STPG1: variants seen among roughly 807,000 people sequenced by gnomAD.
STPG1 encodes O(6)-methylguanine-induced apoptosis 2.
In STPG1, 33 loss-of-function variants were observed where a neutral mutation model predicts 40.1. That is an observed-to-expected ratio of 0.82 (90% CI 0.62 to 1.10). The LOEUF is 1.10. Among genes scored for constraint, STPG1 ranks in the 50% least tolerant of loss-of-function variants. The probability of loss-of-function intolerance (pLI) is 0.00; values close to 1 mark genes in which losing one functional copy is unlikely to be tolerated. For synonymous variants in STPG1, 150 were observed against 155.0 expected (o/e 0.97, Z 0.24); for missense variants, 396 against 415.1 (o/e 0.95, Z 0.40).
upstream of STPG1, chr1:24,414,337 C>A (rs116150919): frequency 9.9e-5 from 15 of 151,268 alleles, no homozygotes; most frequent in Admixed American, 7.3e-4. Context: ...TGAGCCACCA[C>A]GCCCGGCCCC....
intron 1 of STPG1, among the ~76,000 whole-genome samples, chr1:24,411,081 TG>T (rs1643605485): frequency 6.6e-6 from 1 of 152,228 alleles, no homozygotes; most frequent in Non-Finnish European, 1.5e-5. Flanking sequence ...GCAGTAGGCT[TG>T]TATTAATGTA....
At chr1:24,400,550 G>T (rs749440125) in intron 2 of STPG1, among the ~76,000 whole-genome samples, 1 of 152,186 alleles carries the variant, frequency 6.6e-6, no homozygotes, top group Admixed American at 6.5e-5. Flanking sequence ...GAAAAAGAGA[G>T]TGCAAAATCA....
At chr1:24,375,008 C>T (rs538904704) in intron 5 of STPG1, among the ~76,000 whole-genome samples, 1 of 152,322 alleles carries the variant, frequency 6.6e-6, no homozygotes, top group South Asian at 2.1e-4. Flanking sequence ...ACTGTTCAAA[C>T]AGCCCTTCTA....
At chr1:24,408,793 T>C (rs915725699) in intron 1 of STPG1, among the ~76,000 whole-genome samples, 5 of 152,228 alleles carry the variant, frequency 3.3e-5, no homozygotes, top group Non-Finnish European at 7.3e-5. Flanking sequence ...AAGGAACTTA[T>C]ACCATTTATA....
intron 3 of STPG1, among the ~76,000 whole-genome samples, chr1:24,389,878 G>C (rs556885885): frequency 6.6e-6 from 1 of 152,362 alleles, no homozygotes; most frequent in South Asian, 2.1e-4. Flanking sequence ...AAAACTGTGT[G>C]TGTGTGTTTG....
At chr1:24,384,819 T>C (rs1185252858) in intron 3 of STPG1, among the ~76,000 whole-genome samples, 1 of 152,146 alleles carries the variant, frequency 6.6e-6, no homozygotes, top group Non-Finnish European at 1.5e-5. Context: ...GATGAAGGGA[T>C]TACTGTCCCC....
At chr1:24,358,899 T>C (rs997372475) in intron 8 of STPG1, among the ~76,000 whole-genome samples, 15 of 152,212 alleles carry the variant, frequency 9.9e-5, no homozygotes, top group African/African-American at 3.4e-4. Context: ...CGAAAAGAAA[T>C]TGAGTAAAGC....
chr1:24,373,589 C>T (rs2148689318), intron 6 of STPG1, 113 bp downstream of exon 6: 1 of 732,808 alleles, frequency 1.4e-6, no homozygotes, highest in Non-Finnish European at 2.5e-6. Context: ...CTACTCCTCC[C>T]CACCCAAAGA....
rs375050484 is a variant in STPG1, at chr1:24,360,882, C to T, written c.897G>A (p.Ala299=). 4.3e-5 allele frequency: 69 copies of T among 1,613,430 alleles called. 2 individuals are homozygous for T. The South Asian group carries it at 6.6e-4, about 15-fold the overall frequency. The change falls in exon 8 of 9, where the codon GCG becomes GCA. Residue 299 remains alanine, a synonymous_variant. Transcript: ENST00000337248. The part of the protein sequence containing the change: ...SFVSNTSRWT[A]APPQPGLPGP... ...CAGGCAGGCCTGGCTGAGGCGGCGCCGCTGTCCACCGGCTGGTATTGGACA... is the reference window on the plus strand; with the variant it reads ...CAGGCAGGCCTGGCTGAGGCGGCGCTGCTGTCCACCGGCTGGTATTGGACA...
chr1:24,377,392 C>G (rs536719786), intron 5 of STPG1, among the ~76,000 whole-genome samples: 12 of 152,196 alleles, frequency 7.9e-5, no homozygotes, highest in South Asian at 4.1e-4. Context: ...GTCTGGTGCC[C>G]CCTTCTCCCT....
chr1:24,365,292 A>G (rs1641384171), intron 7 of STPG1, among the ~76,000 whole-genome samples: 1 of 152,236 alleles, frequency 6.6e-6, no homozygotes, highest in Admixed American at 6.5e-5. Context: ...GAAGCAGATC[A>G]AGGGTTAGAA....
intron 4 of STPG1, among the ~76,000 whole-genome samples, chr1:24,383,137 T>G (rs557072048): frequency 6.6e-6 from 1 of 152,116 alleles, no homozygotes; most frequent in Non-Finnish European, 1.5e-5. Context: ...GGTCTTGAAC[T>G]CCTGGGCTTA....
intron 5 of STPG1, 135 bp downstream of exon 5, chr1:24,379,518 C>T: frequency 1.1e-6 from 1 of 947,986 alleles, no homozygotes; most frequent in Non-Finnish European, 1.6e-6. Context: ...CCTTAGGCAC[C>T]CATTGGGTAG....
At chr1:24,366,401 A>C (rs1641469104) in intron 7 of STPG1, among the ~76,000 whole-genome samples, 1 of 152,172 alleles carries the variant, frequency 6.6e-6, no homozygotes. Context: ...GAGAAAACAG[A>C]ACTGGAATTT....
chr1:24,403,731 A>T (rs1294560311), intron 1 of STPG1, among the ~76,000 whole-genome samples: 2 of 152,058 alleles, frequency 1.3e-5, no homozygotes, highest in Non-Finnish European at 2.9e-5. Context: ...ATGGTCTTAA[A>T]ATTTTTTAAA....
intron 2 of STPG1, among the ~76,000 whole-genome samples, chr1:24,393,220 G>A (rs567867171): frequency 6.6e-6 from 1 of 152,324 alleles, no homozygotes; most frequent in East Asian, 1.9e-4. Context: ...CAATAAACAC[G>A]ATGGGGAGAG....
intron 6 of STPG1, among the ~76,000 whole-genome samples, chr1:24,372,071 G>T (rs1641774436): frequency 6.6e-6 from 1 of 152,050 alleles, no homozygotes; most frequent in Non-Finnish European, 1.5e-5. Flanking sequence ...CCAGCTACTT[G>T]GGAGGCTGAG....
chr1:24,389,625 A>C (rs761048892), intron 3 of STPG1, among the ~76,000 whole-genome samples: 7 of 152,344 alleles, frequency 4.6e-5, no homozygotes, highest in Middle Eastern at 3.4e-3. Context: ...TCTGAGGATT[A>C]GAGATAAAAG....
intron 7 of STPG1, chr1:24,368,912 C>T (rs1257001103): frequency 1.2e-5 from 2 of 163,852 alleles, no homozygotes; most frequent in Non-Finnish European, 2.7e-5. Flanking sequence ...ACCATGTTGG[C>T]CAGACTGGTC....
Sources: gnomAD v4.1 joint callset for allele counts (sites outside exome capture counted in the v4.1 genomes callset) on GRCh38, gnomAD v4.1.1 for gene constraint, MANE v1.5 for transcripts, NCBI Gene and HGNC (gene_info 2026-07-23, HGNC 2026-07-21) for gene names.